NPM1: variants seen among roughly 807,000 people sequenced by gnomAD.
The protein encoded by NPM1 is nucleophosmin.
NPM1 carries 1 observed loss-of-function variant against 44.1 expected under a neutral mutation model. That is an observed-to-expected ratio of 0.02 (90% CI 0.01 to 0.11). The LOEUF is 0.11. Ranked by LOEUF, NPM1 falls within the 10% of genes least tolerant of loss-of-function variation. The pLI is 1.00. For missense variants in NPM1, 197 were observed against 347.8 expected (o/e 0.57, Z 3.45); for synonymous variants, 126 against 111.8 (o/e 1.13, Z -0.80).
intron 4 of NPM1, 98 bp downstream of exon 4, chr5:171,391,897 T>A: frequency 1.6e-6 from 1 of 611,610 alleles, no homozygotes; most frequent in Non-Finnish European, 2.9e-6. Context: ...AGTACTACTG[T>A]CTTTTTAATA....
At chr5:171,399,419 T>C (rs949676092) in intron 6 of NPM1, among the ~76,000 whole-genome samples, 1 of 152,042 alleles carries the variant, frequency 6.6e-6, no homozygotes, top group Admixed American at 6.6e-5. Context: ...TAATTAAAAA[T>C]TTTTTTTGTA....
At chr5:171,403,966 C>T (rs1771409934) in intron 8 of NPM1, among the ~76,000 whole-genome samples, 2 of 82,446 alleles carry the variant, frequency 2.4e-5, no homozygotes, top group Non-Finnish European at 5.0e-5. Context: ...GGGGGGCTGA[C>T]CCCCCCATCT....
chr5:171,403,642 C>A (rs1208299120), intron 8 of NPM1, among the ~76,000 whole-genome samples: 6 of 112,268 alleles, frequency 5.3e-5, no homozygotes, highest in Non-Finnish European at 1.2e-4. Flanking sequence ...GGGGGCTGAC[C>A]CCCCCCACCT....
At chr5:171,390,843 C>T (rs1285468537) in intron 2 of NPM1, among the ~76,000 whole-genome samples, 2 of 152,242 alleles carry the variant, frequency 1.3e-5, no homozygotes, top group East Asian at 3.9e-4. Context: ...CTGCCTCACC[C>T]TCCCGAGTAG....
At chr5:171,387,749 A>C, upstream of NPM1, 2 of 607,792 alleles carry the variant, frequency 3.3e-6, no homozygotes, top group Non-Finnish European at 2.9e-6. Flanking sequence ...CGGCTACGGT[A>C]CGGGGGTGGG....
intron 6 of NPM1, among the ~76,000 whole-genome samples, chr5:171,396,529 T>C (rs1770894710): frequency 6.6e-6 from 1 of 152,218 alleles, no homozygotes. Context: ...ACAGCAAATA[T>C]TTCTTCGGTA....
chr5:171,406,282 T>TGTA (rs1771561749), intron 9 of NPM1: 1 of 922,446 alleles, frequency 1.1e-6, no homozygotes, highest in Non-Finnish European at 1.8e-6. Flanking sequence ...GTAAACCCTT[T>TGTA]AGCCTTCCTG....
chr5:171,393,039 CAT>C, intron 6 of NPM1, 61 bp downstream of exon 6: 1 of 1,556,654 alleles, frequency 6.4e-7, no homozygotes, highest in Non-Finnish European at 8.7e-7. Context: ...AGGAATTTGA[CAT>C]AGTTATATGC....
chr5:171,407,575 A>G, intron 9 of NPM1, 125 bp from the exon 10 acceptor site: 1 of 678,314 alleles, frequency 1.5e-6, no homozygotes, highest in South Asian at 1.7e-5. Flanking sequence ...GTATTCTTGG[A>G]AAGTTGAAGG....
intron 6 of NPM1, 45 bp downstream of exon 6, chr5:171,393,023 A>T (rs1479084212): frequency 1.3e-6 from 2 of 1,571,556 alleles, no homozygotes; most frequent in African/African-American, 2.7e-5. Flanking sequence ...GAATCTTGAC[A>T]AAAAAAGGAA....
chr5:171,402,708 T>G (rs1267173772), intron 8 of NPM1, among the ~76,000 whole-genome samples: 1 of 139,548 alleles, frequency 7.2e-6, no homozygotes, highest in South Asian at 2.5e-4. Context: ...ATGGGGTAGA[T>G]TTCCCTCTTG....
At chr5:171,394,592 G>A (rs1422670627) in intron 6 of NPM1, among the ~76,000 whole-genome samples, 12 of 152,108 alleles carry the variant, frequency 7.9e-5, no homozygotes, top group Non-Finnish European at 1.5e-5. Context: ...GCATAACCAA[G>A]CCCAGCTTGT....
At chr5:171,401,176 C>T (rs758509204) in intron 8 of NPM1, among the ~76,000 whole-genome samples, 18 of 152,004 alleles carry the variant, frequency 1.2e-4, no homozygotes, top group Non-Finnish European at 1.8e-4. Flanking sequence ...CGGCCAACAT[C>T]GTGAAACCCT....
At chr5:171,403,157 T>A (rs960442044) in intron 8 of NPM1, among the ~76,000 whole-genome samples, 2 of 99,968 alleles carry the variant, frequency 2.0e-5, no homozygotes, top group Non-Finnish European at 2.1e-5. Flanking sequence ...CCTGCGGCCT[T>A]CCGCAGTGTT....
chr5:171,403,730 G>C (rs1364075009), intron 8 of NPM1, among the ~76,000 whole-genome samples: 121 of 142,918 alleles, frequency 8.5e-4, no homozygotes, highest in African/African-American at 2.8e-3. Context: ...CCGGCCGGGC[G>C]GGGGGCTGAC....
At chr5:171,403,640 ACC>A (rs531134823) in intron 8 of NPM1, among the ~76,000 whole-genome samples, 3 of 60,048 alleles carry the variant, frequency 5.0e-5, no homozygotes, top group Non-Finnish European at 6.9e-5. Context: ...AGGGGGGCTG[ACC>A]CCCCCCACCT....
intron 6 of NPM1, among the ~76,000 whole-genome samples, chr5:171,394,645 A>G (rs1310937652): frequency 6.6e-6 from 1 of 152,210 alleles, no homozygotes; most frequent in Non-Finnish European, 1.5e-5. Flanking sequence ...GTAAGAATTG[A>G]AATACATTCC....
chr5:171,388,182 G>A (rs1770361260), intron 1 of NPM1, among the ~76,000 whole-genome samples, 176 bp downstream of exon 1: 1 of 152,012 alleles, frequency 6.6e-6, no homozygotes, highest in Non-Finnish European at 1.5e-5. Context: ...TTGGAGCCGC[G>A]GGGGGAGCCG....
chr5:171,392,876 A>G, intron 5 of NPM1, 38 bp from the exon 6 acceptor site: 3 of 1,613,194 alleles, frequency 1.9e-6, no homozygotes, highest in Non-Finnish European at 2.5e-6. Context: ...GTGATAGAAC[A>G]GCTCTTGTTC....
Sources: allele counts gnomAD v4.1 joint callset (sites outside exome capture counted in the v4.1 genomes callset), GRCh38; gene constraint gnomAD v4.1.1; transcripts MANE v1.5; gene names NCBI Gene and HGNC (gene_info 2026-07-23, HGNC 2026-07-21).